Variants in ADAMTS14 observed in about 807,000 individuals in gnomAD.
The protein encoded by ADAMTS14 is ADAM metallopeptidase with thrombospondin type 1 motif 14, also known as A disintegrin and metalloproteinase with thrombospondin motifs 14.
A neutral mutation model predicts 128.6 loss-of-function variants in ADAMTS14; 100 were observed. The observed-to-expected ratio is 0.78, with a 90% confidence interval of 0.66 to 0.92. ADAMTS14 has a LOEUF of 0.92. ADAMTS14 is among the 40% of genes least tolerant of loss of function. ADAMTS14 has a pLI of 0.00. For missense variants in ADAMTS14, 1,562 were observed against 1,658.6 expected (o/e 0.94, Z 1.01); for synonymous variants, 665 against 653.8 (o/e 1.02, Z -0.26).
chr10:70,754,859 G>A (rs1236697251), intron 19 of ADAMTS14, among the ~76,000 whole-genome samples: 3 of 152,182 alleles, frequency 2.0e-5, no homozygotes, highest in African/African-American at 7.2e-5. Flanking sequence ...CAGTAGCGCT[G>A]CTTAGTTATT....
At chr10:70,705,270 C>G (rs1359511613) in intron 3 of ADAMTS14, among the ~76,000 whole-genome samples, 1 of 152,156 alleles carries the variant, frequency 6.6e-6, no homozygotes, top group African/African-American at 2.4e-5. Context: ...CTCTCCTGCT[C>G]CTAACGCTTC....
chr10:70,688,960 G>T (rs1382979375), intron 2 of ADAMTS14, among the ~76,000 whole-genome samples: 2 of 145,550 alleles, frequency 1.4e-5, no homozygotes, highest in South Asian at 4.5e-4. Context: ...TCCAGAAACA[G>T]CCTGCCACTT....
chr10:70,690,989 G>A (rs1447366536), intron 2 of ADAMTS14, among the ~76,000 whole-genome samples: 2 of 144,802 alleles, frequency 1.4e-5, no homozygotes, highest in Non-Finnish European at 3.2e-5. Flanking sequence ...AAGCCTCAGA[G>A]CCGCTTGGCT....
Position 70,761,257 on chromosome 10 carries a change from GCA to G in ADAMTS14, c.*405_*406del. ...CTGTGAGGACCCCTGTGGAGGCCCT[GCA>G]TATTTGGCCCCTCTCCCCAGAAAGG... is the stretch of plus-strand genomic sequence containing the variant. On this transcript the variant is annotated 3_prime_UTR_variant, in exon 22 of 22. Transcript: ENST00000373207. 1 of 169,418 alleles carries G rather than the reference GCA, an allele frequency of 5.9e-6. No individual in the cohort carries two copies. 10.5% of individuals were successfully genotyped at this position (169,418 alleles called of 1,614,324 possible). A position where few individuals can be genotyped will look rare whatever the true frequency, so the allele number is the denominator to read the frequency against.
intron 15 of ADAMTS14, 79 bp downstream of exon 15, chr10:70,745,385 G>A (rs1842147068): frequency 4.2e-6 from 6 of 1,443,974 alleles, no homozygotes; most frequent in Non-Finnish European, 4.8e-6. Flanking sequence ...GAGACCAGAG[G>A]ACAAGATTCT....
At position 70,674,766 on chromosome 10, in the gene ADAMTS14, C is replaced by A; in HGVS notation, c.293C>A (p.Pro98His). ...CTGCACCCAGGAGGGACCCTGTGGC[C>A]TGGCAGGGTGGGGCGCCACTCCCTC... ...SPLHPGGTLW[P>H]GRVGRHSLYF... Residue 98 changes from proline (P) to histidine (H), a missense_variant, in exon 2 of 22, where the codon CCT becomes CAT. Physicochemically the swap from Pro to His is moderately conservative, Grantham distance 77 (BLOSUM62 -2). Transcript: ENST00000373207. 1 of 1,613,470 alleles carries A rather than the reference C, an allele frequency of 6.2e-7. No homozygotes were observed. Among genetic ancestry groups the A allele is most frequent in the Non-Finnish European group, 8.5e-7 (1 of 1,179,956 alleles).
chr10:70,704,152 C>G (rs946752899), intron 3 of ADAMTS14, among the ~76,000 whole-genome samples: 8 of 152,300 alleles, frequency 5.3e-5, no homozygotes, highest in Admixed American at 3.9e-4. Flanking sequence ...TTTGGGGAAT[C>G]TTCCTCAGGC....
At chr10:70,723,406 A>G (rs114871573) in intron 4 of ADAMTS14, among the ~76,000 whole-genome samples, 1 of 152,248 alleles carries the variant, frequency 6.6e-6, no homozygotes, top group Non-Finnish European at 1.5e-5. Flanking sequence ...ACAGCATGTC[A>G]GTATTGGTTC....
intron 4 of ADAMTS14, among the ~76,000 whole-genome samples, chr10:70,715,963 C>T (rs1237315099): frequency 6.6e-6 from 1 of 152,180 alleles, no homozygotes; most frequent in Non-Finnish European, 1.5e-5. Context: ...TGGAGGAAGG[C>T]AGGCTCAGTA....
chr10:70,687,975 CG>C (rs1452811057), intron 2 of ADAMTS14, among the ~76,000 whole-genome samples: 2,341 of 46,374 alleles, frequency 0.05, 111 homozygotes, highest in East Asian at 0.12. Flanking sequence ...ACCCCCCCCC[CG>C]ACCTCCCTCC....
At chr10:70,731,064 C>CCACA (rs56903140) in intron 6 of ADAMTS14, among the ~76,000 whole-genome samples, 8,465 of 145,718 alleles carry the variant, frequency 0.058, 427 homozygotes, top group East Asian at 0.29. Context: ...GTTTTACACA[C>CCACA]CACACACACA....
chr10:70,755,564 G>T (rs1842460994), intron 19 of ADAMTS14, among the ~76,000 whole-genome samples: 2 of 152,226 alleles, frequency 1.3e-5, no homozygotes, highest in South Asian at 4.1e-4. Flanking sequence ...GTTAAGATGG[G>T]CTGGGCGCGG....
At chr10:70,719,763 C>A (rs919232747) in intron 4 of ADAMTS14, among the ~76,000 whole-genome samples, 5 of 152,170 alleles carry the variant, frequency 3.3e-5, no homozygotes, top group South Asian at 2.1e-4. Context: ...ATGGGCCAGG[C>A]CTGGTTTCAA....
intron 4 of ADAMTS14, among the ~76,000 whole-genome samples, chr10:70,719,218 G>C (rs1239357319): frequency 6.6e-6 from 1 of 152,016 alleles, no homozygotes; most frequent in Non-Finnish European, 1.5e-5. Context: ...GCCACACACA[G>C]GAATTTTCAA....
chr10:70,743,136 C>T lies in ADAMTS14; in HGVS notation c.1925-412C>T, dbSNP rs1842058254. 3.3e-5 allele frequency among the ~76,000 whole-genome samples: 5 copies of T among 152,142 alleles called. No homozygotes were observed. The South Asian group carries it at 8.3e-4, about 25-fold the overall frequency. ...TCCTCCTCTGTAATGCTAGCACCTA[C>T]CTCATTGAGGTGTTGAGAGGGTTAA... On this transcript the variant is annotated intron_variant, in intron 12 of 21. Coordinates refer to ENST00000373207, the MANE Select transcript of ADAMTS14 (RefSeq NM_080722.4).
At chr10:70,739,630 T>C (rs1841935202) in intron 11 of ADAMTS14, among the ~76,000 whole-genome samples, 1 of 152,090 alleles carries the variant, frequency 6.6e-6, no homozygotes, top group Non-Finnish European at 1.5e-5. Context: ...CAAGGCCAGC[T>C]GCATGGCTTG....
In ADAMTS14 at chr10:70,729,289, T is replaced by G. The variant is rs1248439571; in HGVS notation, c.871-5T>G. 3.7e-6 allele frequency: 6 copies of G among 1,611,700 alleles called. No individual in the cohort carries two copies. In the East Asian group the frequency reaches 1.1e-4, roughly 30 times the overall value. Reference sequence around the variant, plus strand: ...CTTCCCTTAAACTGTATTTTCTTCTTGCAGGTAGATGAGATTTACCACGAT... The same window carrying G: ...CTTCCCTTAAACTGTATTTTCTTCTGGCAGGTAGATGAGATTTACCACGAT... On this transcript the variant is annotated splice_region_variant and splice_polypyrimidine_tract_variant and intron_variant, in intron 4 of 21. Coordinates refer to ENST00000373207, the MANE Select transcript of ADAMTS14 (RefSeq NM_080722.4).
At chr10:70,707,392 T>C (rs1270751411) in intron 3 of ADAMTS14, among the ~76,000 whole-genome samples, 1 of 152,162 alleles carries the variant, frequency 6.6e-6, no homozygotes, top group African/African-American at 2.4e-5. Context: ...ATTAATGGTA[T>C]GAGTATCAAA....
At chr10:70,699,303 A>G (rs1840426861) in intron 2 of ADAMTS14, among the ~76,000 whole-genome samples, 1 of 152,176 alleles carries the variant, frequency 6.6e-6, no homozygotes, top group Admixed American at 6.5e-5. Context: ...CCTACCTTAT[A>G]GGGCTATAAA....
Sources: allele counts gnomAD v4.1 joint callset (sites outside exome capture counted in the v4.1 genomes callset), GRCh38; gene constraint gnomAD v4.1.1; transcripts MANE v1.5; gene names NCBI Gene and HGNC (gene_info 2026-07-23, HGNC 2026-07-21).